The following CD80 variants were observed in gnomAD, a reference collection of about 807,000 sequenced individuals.
The protein encoded by CD80 is CD80 molecule.
In CD80, 13 loss-of-function variants were observed where a neutral mutation model predicts 27.1. That is an observed-to-expected ratio of 0.48 (90% CI 0.31 to 0.76). The LOEUF (loss-of-function observed/expected upper bound fraction) is 0.76, where lower values mean the gene tolerates loss of function less well. Ranked by LOEUF, CD80 falls within the 30% of genes least tolerant of loss-of-function variation. The pLI is 0.04. For synonymous variants in CD80, 125 were observed against 125.5 expected (o/e 1.00, Z 0.03); for missense variants, 277 against 347.9 (o/e 0.80, Z 1.62).
intron 4 of CD80, among the ~76,000 whole-genome samples, chr3:119,530,615 G>A (rs1212121218): frequency 6.6e-6 from 1 of 152,134 alleles, no homozygotes; most frequent in Non-Finnish European, 1.5e-5. Flanking sequence ...TGAGGGTGGG[G>A]AGGAGAAAGG....
At chr3:119,553,481 A>G (rs1413000694) in intron 2 of CD80, among the ~76,000 whole-genome samples, 1 of 152,182 alleles carries the variant, frequency 6.6e-6, no homozygotes, top group Non-Finnish European at 1.5e-5. Context: ...GTCATTGCAA[A>G]TAAAACATGA....
rs368745104 is a variant in CD80, at chr3:119,544,712, C to T, written c.256G>A (p.Glu86Lys). 2.3e-4 allele frequency: 368 copies of T among 1,614,086 alleles called. No homozygotes were observed. The highest frequency in any genetic ancestry group is 2.7e-4 in the Non-Finnish European group (318 of 1,180,048). ...TCAAAGATGGTCCGGTTCTTGTACT[C>T]GGGCCATATATTCATGTCCCCAGAC... ...MMSGDMNIWPEYKNRTIFDIT... is the reference protein window; with the variant it reads ...MMSGDMNIWPKYKNRTIFDIT... Residue 86 changes from glutamate (E) to lysine (K), a missense_variant, in exon 3 of 7, where the codon GAG becomes AAG. Physicochemically the swap from Glu to Lys is moderately conservative, Grantham distance 56. Transcript: ENST00000264246.
At chr3:119,543,397 CTT>C (rs35045571) in intron 3 of CD80, among the ~76,000 whole-genome samples, 23 of 143,788 alleles carry the variant, frequency 1.6e-4, no homozygotes, top group African/African-American at 2.8e-4. Flanking sequence ...AATTCTCTAA[CTT>C]TTTTTTTTTT....
At chr3:119,532,759 C>G (rs1337987548) in intron 4 of CD80, among the ~76,000 whole-genome samples, 1 of 152,144 alleles carries the variant, frequency 6.6e-6, no homozygotes, top group Non-Finnish European at 1.5e-5. Context: ...CTGCTTTTTC[C>G]CAAATCTCTT....
rs2107745043 is a variant in CD80, at chr3:119,544,872, G to C, written c.101-5C>G. ...CCTTGGTCACGTGGATAACACCTAT[G>C]GAGAGGCAAACAGAACAAGATTGTA... On this transcript the variant is annotated splice_polypyrimidine_tract_variant and splice_region_variant and intron_variant, in intron 2 of 6. Transcript: ENST00000264246. 6.2e-7 allele frequency: 1 copy of C among 1,611,252 alleles called. No homozygotes were observed. Among genetic ancestry groups the C allele is most frequent in the East Asian group, 2.2e-5 (1 of 44,836 alleles).
chr3:119,548,480 A>C (rs2082212935), intron 2 of CD80, among the ~76,000 whole-genome samples: 1 of 152,200 alleles, frequency 6.6e-6, no homozygotes. Context: ...AGGGGATATG[A>C]AAGTCATAGT....
At chr3:119,548,634 C>G (rs1050950988) in intron 2 of CD80, among the ~76,000 whole-genome samples, 1 of 152,166 alleles carries the variant, frequency 6.6e-6, no homozygotes. Flanking sequence ...TAGGGCCATT[C>G]TTCTTGTTTA....
At chr3:119,530,643 C>T (rs1244881108) in intron 4 of CD80, among the ~76,000 whole-genome samples, 6 of 152,060 alleles carry the variant, frequency 3.9e-5, no homozygotes, top group African/African-American at 1.4e-4. Flanking sequence ...GGATATGGTG[C>T]TGCGGGTCCA....
At chr3:119,530,536 G>A (rs2082103927) in intron 4 of CD80, among the ~76,000 whole-genome samples, 1 of 152,134 alleles carries the variant, frequency 6.6e-6, no homozygotes, top group Non-Finnish European at 1.5e-5. Flanking sequence ...GACCATCCTA[G>A]AAGAGAGCAC....
chr3:119,553,336 T>A (rs536802384), intron 2 of CD80, among the ~76,000 whole-genome samples: 1 of 152,082 alleles, frequency 6.6e-6, no homozygotes, highest in East Asian at 1.9e-4. Context: ...GACAGGGTTT[T>A]ACCATGTTGG....
intron 5 of CD80, 68 bp from the exon 6 acceptor site, chr3:119,527,909 AT>A (rs1355078595): frequency 6.4e-6 from 9 of 1,396,362 alleles, no homozygotes; most frequent in Non-Finnish European, 9.1e-6. Flanking sequence ...ATATGTTAAT[AT>A]TTACTTTAGC....
chr3:119,551,867 T>C (rs2082234176), intron 2 of CD80, among the ~76,000 whole-genome samples: 1 of 152,240 alleles, frequency 6.6e-6, no homozygotes, highest in South Asian at 2.1e-4. Context: ...AACTGGCTGA[T>C]TCTTGAACTG....
At chr3:119,553,599 G>A (rs1161324101) in intron 2 of CD80, among the ~76,000 whole-genome samples, 1 of 152,208 alleles carries the variant, frequency 6.6e-6, no homozygotes, top group Non-Finnish European at 1.5e-5. Flanking sequence ...CCCTCCCAGG[G>A]AGTTCAACCT....
intron 4 of CD80, among the ~76,000 whole-genome samples, chr3:119,534,982 G>A (rs2082129001): frequency 6.6e-6 from 1 of 152,136 alleles, no homozygotes; most frequent in Middle Eastern, 3.4e-3. Context: ...ACCTAAGGTC[G>A]AGAGTTCAAG....
intron 2 of CD80, among the ~76,000 whole-genome samples, chr3:119,548,043 G>A (rs939032743): frequency 9.9e-5 from 15 of 151,484 alleles, no homozygotes; most frequent in Admixed American, 2.6e-4. Context: ...GTGAAGTGGC[G>A]CGATCTCAGC....
chr3:119,555,068 C>T (rs2082255408), intron 2 of CD80, among the ~76,000 whole-genome samples: 1 of 152,160 alleles, frequency 6.6e-6, no homozygotes, highest in Non-Finnish European at 1.5e-5. Context: ...AGGCCCCATC[C>T]CAGACCCACC....
At chr3:119,530,608 G>A (rs1239326491) in intron 4 of CD80, among the ~76,000 whole-genome samples, 1 of 152,166 alleles carries the variant, frequency 6.6e-6, no homozygotes, top group Non-Finnish European at 1.5e-5. Context: ...AAGGAAATGA[G>A]GGTGGGGAGG....
Position 119,537,198 on chromosome 3 carries a change from G to A in CD80, c.639C>T (p.Ser213=), listed in dbSNP as rs908059402. Residue 213 remains serine (S), a synonymous_variant, in exon 4 of 7, where the codon AGC becomes AGT. Coordinates refer to ENST00000264246, the MANE Select transcript of CD80 (RefSeq NM_005191.4). Reference sequence around the variant, plus strand: ...GTCCATACTTGATGAGACACATGAAGCTGTGGTTGGTTGTCATATTGAAAT... The same window carrying A: ...GTCCATACTTGATGAGACACATGAAACTGTGGTTGGTTGTCATATTGAAAT... ...KLDFNMTTNH[S]FMCLIKYGHL... is the part of the protein sequence containing the mutation. 12 of 1,613,932 alleles carry A rather than the reference G, an allele frequency of 7.4e-6. No homozygotes were observed. In the East Asian group the frequency reaches 1.8e-4, roughly 24 times the overall value.
Position 119,527,730 on chromosome 3 carries a change from T to A in CD80, c.*38+3A>T. On this transcript the variant is annotated splice_donor_region_variant and intron_variant, in intron 6 of 6. Coordinates refer to ENST00000264246, the MANE Select transcript of CD80 (RefSeq NM_005191.4). Reference sequence around the variant, plus strand: ...GTATCCCAGAAGAGATGACGGAGGCTACCTTCAGATCTTTTCAGCCCCTTG... The same window carrying A: ...GTATCCCAGAAGAGATGACGGAGGCAACCTTCAGATCTTTTCAGCCCCTTG... 2.0e-6 allele frequency: 3 copies of A among 1,524,706 alleles called. No individual in the cohort carries two copies. Among genetic ancestry groups the A allele is most frequent in the Non-Finnish European group, 1.8e-6 (2 of 1,098,834 alleles). The allele number at this position is 1,524,706 out of a possible 1,614,324, so 94.4% of individuals were successfully genotyped here.
Sources: gnomAD v4.1 joint callset for allele counts (sites outside exome capture counted in the v4.1 genomes callset) on GRCh38, gnomAD v4.1.1 for gene constraint, MANE v1.5 for transcripts, NCBI Gene and HGNC (gene_info 2026-07-23, HGNC 2026-07-21) for gene names.